CCSER1: variants seen among roughly 807,000 people sequenced by gnomAD.
CCSER1 encodes the protein serine-rich coiled-coil domain-containing protein 1.
CCSER1 carries 41 observed loss-of-function variants against 82.0 expected under a neutral mutation model. That is an observed-to-expected ratio of 0.50 (90% CI 0.39 to 0.65). CCSER1 has a LOEUF of 0.65. CCSER1 is among the 30% of genes least tolerant of loss of function. The pLI is 0.00. For missense variants in CCSER1, 1,119 were observed against 1,064.2 expected (o/e 1.05, Z -0.72); for synonymous variants, 414 against 383.9 (o/e 1.08, Z -0.92).
chr4:91,157,473 C>A (rs1253302555), intron 10 of CCSER1, among the ~76,000 whole-genome samples: 1 of 151,702 alleles, frequency 6.6e-6, no homozygotes, highest in Non-Finnish European at 1.5e-5. Context: ...CTTTTATTTT[C>A]TCTTAGGATT....
At chr4:90,719,572 A>T (rs904810481) in intron 6 of CCSER1, among the ~76,000 whole-genome samples, 2 of 152,112 alleles carry the variant, frequency 1.3e-5, no homozygotes, top group Admixed American at 6.6e-5. Flanking sequence ...TTTCTCAGTG[A>T]AAGTTTCTCA....
chr4:91,473,674 T>C (rs539140795), intron 10 of CCSER1, among the ~76,000 whole-genome samples: 3 of 152,090 alleles, frequency 2.0e-5, no homozygotes, highest in African/African-American at 7.2e-5. Flanking sequence ...GAGGAAAAAT[T>C]AAAAGAGTGT....
chr4:90,445,989 C>G (rs1432503811), intron 4 of CCSER1, among the ~76,000 whole-genome samples: 3 of 152,126 alleles, frequency 2.0e-5, no homozygotes, highest in Non-Finnish European at 4.4e-5. Context: ...ACTTGTCTTG[C>G]TATTTATTGC....
At chr4:90,410,447 C>T (rs1296592512) in intron 4 of CCSER1, among the ~76,000 whole-genome samples, 1 of 152,164 alleles carries the variant, frequency 6.6e-6, no homozygotes, top group African/African-American at 2.4e-5. Flanking sequence ...GACCACAGTG[C>T]AATCCAACTA....
At chr4:91,174,766 A>G (rs1278626240) in intron 10 of CCSER1, among the ~76,000 whole-genome samples, 2 of 151,442 alleles carry the variant, frequency 1.3e-5, no homozygotes, top group African/African-American at 4.8e-5. Flanking sequence ...TATTCATTTC[A>G]TATTATTTAT....
At chr4:90,930,397 C>T (rs1171054634) in intron 9 of CCSER1, among the ~76,000 whole-genome samples, 10 of 151,502 alleles carry the variant, frequency 6.6e-5, no homozygotes, top group African/African-American at 9.7e-5. Context: ...GTCAGGAGAT[C>T]GAGGCCATCC....
intron 7 of CCSER1, among the ~76,000 whole-genome samples, chr4:90,752,501 T>C (rs944536648): frequency 2.0e-5 from 3 of 152,134 alleles, no homozygotes; most frequent in Admixed American, 1.3e-4. Context: ...GCTATGTAGG[T>C]AATATTTACA....
intron 10 of CCSER1, among the ~76,000 whole-genome samples, chr4:91,252,932 A>G (rs997533833): frequency 3.9e-5 from 6 of 152,174 alleles, no homozygotes; most frequent in East Asian, 1.9e-4. Flanking sequence ...AAAATGACAT[A>G]AAGAAATACC....
At chr4:90,271,890 TAA>T (rs373802428) in intron 1 of CCSER1, among the ~76,000 whole-genome samples, 3 of 70,116 alleles carry the variant, frequency 4.3e-5, no homozygotes, top group Admixed American at 1.9e-4. Flanking sequence ...TTTTTTTTTT[TAA>T]AAGGAGGTTT....
At position 90,312,911 on chromosome 4, in the gene CCSER1, G is replaced by C; in HGVS notation, c.1373G>C (p.Arg458Thr). 1 of 1,584,028 alleles carries C rather than the reference G, an allele frequency of 6.3e-7. No individual in the cohort carries two copies. ...SPFREGRFIE[R>T]RLRSSSEGTA... ...TTTCGTGAAGGAAGATTTATAGAGA[G>C]GAGACTGCGATCCTCGTCAGAAGGC... is the stretch of plus-strand genomic sequence containing the variant. Residue 458 changes from arginine to threonine, a missense_variant, in exon 3 of 11, where the codon AGG (arginine) becomes ACG (threonine). Coordinates refer to ENST00000509176, the MANE Select transcript of CCSER1 (RefSeq NM_001145065.2).
chr4:91,580,741 A>G (rs1353220094), intron 10 of CCSER1, among the ~76,000 whole-genome samples: 1 of 151,412 alleles, frequency 6.6e-6, no homozygotes, highest in Non-Finnish European at 1.5e-5. Flanking sequence ...CAACTCTGGT[A>G]GAATACAGTG....
chr4:90,222,003 GT>G (rs1187721130), intron 1 of CCSER1, among the ~76,000 whole-genome samples: 1 of 152,076 alleles, frequency 6.6e-6, no homozygotes, highest in Non-Finnish European at 1.5e-5. Flanking sequence ...TGACTCGCAT[GT>G]TTTCACTCTG....
chr4:91,085,629 A>G (rs180986738), intron 9 of CCSER1, among the ~76,000 whole-genome samples: 68 of 152,272 alleles, frequency 4.5e-4, no homozygotes, highest in African/African-American at 1.6e-3. Context: ...ATCATAGAAT[A>G]TACTGTACAT....
chr4:90,134,677 A>G (rs1278188674), intron 1 of CCSER1, among the ~76,000 whole-genome samples: 1 of 152,234 alleles, frequency 6.6e-6, no homozygotes, highest in Non-Finnish European at 1.5e-5. Context: ...TGCTTAAGAA[A>G]AGTTGAGCTT....
intron 1 of CCSER1, among the ~76,000 whole-genome samples, chr4:90,130,781 G>A (rs900161157): frequency 6.0e-5 from 9 of 150,094 alleles, no homozygotes; most frequent in Non-Finnish European, 1.0e-4. Flanking sequence ...ATGCCACCCC[G>A]CCCAGCTAAA....
intron 1 of CCSER1, among the ~76,000 whole-genome samples, chr4:90,279,427 G>C (rs1171856174): frequency 6.6e-6 from 1 of 151,880 alleles, no homozygotes; most frequent in African/African-American, 2.4e-5. Context: ...TTCTGAAAGA[G>C]GTAGCCACAT....
chr4:91,021,163 T>C (rs1191856861), intron 9 of CCSER1, among the ~76,000 whole-genome samples: 1 of 152,192 alleles, frequency 6.6e-6, no homozygotes, highest in Non-Finnish European at 1.5e-5. Context: ...TCATTGTTTA[T>C]TTACATAAAT....
At chr4:91,015,488 C>G (rs918074675) in intron 9 of CCSER1, 4 of 151,702 alleles carry the variant, frequency 2.6e-5, no homozygotes, top group African/African-American at 9.7e-5. Context: ...AAACCAGATG[C>G]CTTTAGGTAT....
intron 9 of CCSER1, among the ~76,000 whole-genome samples, chr4:91,037,381 G>A (rs988610261): frequency 1.3e-5 from 2 of 152,144 alleles, no homozygotes; most frequent in African/African-American, 2.4e-5. Flanking sequence ...GTGAGCAGGA[G>A]TCTCTCAGCA....
Sources: gnomAD v4.1 joint callset for allele counts (sites outside exome capture counted in the v4.1 genomes callset) on GRCh38, gnomAD v4.1.1 for gene constraint, MANE v1.5 for transcripts, NCBI Gene and HGNC (gene_info 2026-07-23, HGNC 2026-07-21) for gene names.